TSPAN12: variants seen among roughly 807,000 people sequenced by gnomAD.
TSPAN12 encodes tetraspanin-12.
TSPAN12 carries 19 observed loss-of-function variants against 39.2 expected under a neutral mutation model. That is an observed-to-expected ratio of 0.49 (90% CI 0.34 to 0.71). TSPAN12 has a LOEUF of 0.71. Among genes scored for constraint, TSPAN12 ranks in the 30% least tolerant of loss-of-function variants. The pLI is 0.01. For synonymous variants in TSPAN12, 119 were observed against 124.8 expected, an observed-to-expected ratio of 0.95 and a Z score of 0.31; for missense variants, 314 against 359.9, an observed-to-expected ratio of 0.87 and a Z score of 1.03.
intron 7 of TSPAN12, among the ~76,000 whole-genome samples, chr7:120,795,196 C>T (rs988108299): frequency 2.0e-5 from 3 of 152,218 alleles, no homozygotes; most frequent in African/African-American, 4.8e-5. Flanking sequence ...CAAAATAAAA[C>T]ACTGAATTAA....
intron 7 of TSPAN12, among the ~76,000 whole-genome samples, chr7:120,799,791 A>C (rs1161843035): frequency 7.4e-6 from 1 of 135,530 alleles, no homozygotes; most frequent in Non-Finnish European, 1.5e-5. Context: ...ATATATAATA[A>C]ATATATTAAA....
chr7:120,854,070 T>C (rs1010774365), intron 2 of TSPAN12, among the ~76,000 whole-genome samples: 1 of 152,080 alleles, frequency 6.6e-6, no homozygotes, highest in Non-Finnish European at 1.5e-5. Flanking sequence ...AAAATGATGC[T>C]CCTGCTCACT....
In TSPAN12 at chr7:120,810,470, TG is replaced by T. The variant is rs1793956441; in HGVS notation, c.460del (p.Gln154ArgfsTer9). 1.2e-6 allele frequency: 2 copies of T among 1,608,760 alleles called. No homozygotes were observed. The highest frequency in any genetic ancestry group is 1.7e-6 in the Non-Finnish European group (2 of 1,175,314). ...AGAAATTGTAGCACTTACCTCTCTC[TG>T]AAAAAAATTCCAAGCATGAGTAAGC... is the stretch of plus-strand genomic sequence containing the variant. ...RWLTHAWNFF[Q>X]REFKCCGVVY... On this transcript the variant is annotated frameshift_variant, in exon 6 of 8. Coordinates refer to ENST00000222747, the MANE Select transcript of TSPAN12 (RefSeq NM_012338.4). LOFTEE classifies it high-confidence loss of function.
chr7:120,808,607 T>C (rs1014637126), intron 6 of TSPAN12, among the ~76,000 whole-genome samples: 6 of 152,168 alleles, frequency 3.9e-5, no homozygotes, highest in Non-Finnish European at 8.8e-5. Flanking sequence ...CCAAAGCCTA[T>C]GCTCCAACTA....
At chr7:120,828,149 C>A (rs900352164) in intron 4 of TSPAN12, among the ~76,000 whole-genome samples, 1 of 152,188 alleles carries the variant, frequency 6.6e-6, no homozygotes, top group African/African-American at 2.4e-5. Flanking sequence ...GTCCTCCATT[C>A]TCTCTTCTAT....
chr7:120,850,651 A>G (rs556072076), intron 2 of TSPAN12, among the ~76,000 whole-genome samples: 2 of 152,162 alleles, frequency 1.3e-5, no homozygotes, highest in East Asian at 3.9e-4. Flanking sequence ...GCCACAATGT[A>G]TATATAAAAA....
At chr7:120,799,829 A>G (rs985131712) in intron 7 of TSPAN12, among the ~76,000 whole-genome samples, 4 of 138,262 alleles carry the variant, frequency 2.9e-5, no homozygotes, top group Admixed American at 7.8e-5. Context: ...TTAATATATT[A>G]ATTATATTAA....
intron 7 of TSPAN12, among the ~76,000 whole-genome samples, chr7:120,799,376 C>T (rs1793694856): frequency 1.4e-5 from 2 of 144,936 alleles, no homozygotes; most frequent in Non-Finnish European, 1.5e-5. Context: ...GATGAGGAAA[C>T]ATTTATTTTT....
chr7:120,821,409 G>A (rs1228674755), intron 4 of TSPAN12, among the ~76,000 whole-genome samples: 4 of 149,332 alleles, frequency 2.7e-5, no homozygotes, highest in East Asian at 1.9e-4. Flanking sequence ...AACAATGTAC[G>A]TGAAATTGTC....
At chr7:120,857,551 G>A (rs1310189724) in intron 1 of TSPAN12, among the ~76,000 whole-genome samples, 1 of 152,052 alleles carries the variant, frequency 6.6e-6, no homozygotes, top group East Asian at 1.9e-4. Context: ...CAGCTGTGCA[G>A]ACGCCGGGTT....
intron 3 of TSPAN12, among the ~76,000 whole-genome samples, chr7:120,839,638 GA>G (rs545910689): frequency 2.7e-5 from 4 of 150,936 alleles, no homozygotes; most frequent in South Asian, 2.1e-4. Context: ...TGAAATTTGA[GA>G]AAAAAAAATC....
At chr7:120,805,229 G>T (rs1181134286) in intron 7 of TSPAN12, among the ~76,000 whole-genome samples, 2 of 151,994 alleles carry the variant, frequency 1.3e-5, no homozygotes, top group African/African-American at 4.8e-5. Flanking sequence ...ACAGCCCAGA[G>T]TTACTCATAT....
intron 5 of TSPAN12, among the ~76,000 whole-genome samples, chr7:120,815,353 C>A (rs919896420): frequency 6.6e-6 from 1 of 152,098 alleles, no homozygotes; most frequent in African/African-American, 2.4e-5. Context: ...GAGTCGTAAT[C>A]CCCCTATCCC....
At chr7:120,853,491 T>TAC (rs988786833) in intron 2 of TSPAN12, among the ~76,000 whole-genome samples, 17 of 143,068 alleles carry the variant, frequency 1.2e-4, no homozygotes, top group African/African-American at 4.1e-4. Flanking sequence ...TATATATATA[T>TAC]ATACACACAC....
At chr7:120,840,860 C>T (rs1794564259) in intron 2 of TSPAN12, among the ~76,000 whole-genome samples, 3 of 152,170 alleles carry the variant, frequency 2.0e-5, no homozygotes, top group African/African-American at 7.2e-5. Context: ...ATTTAACAAC[C>T]TTTTCTCAAA....
chr7:120,788,111 T>A lies in TSPAN12; in HGVS notation c.*481A>T, dbSNP rs1793443758. The A allele has an allele frequency of 5.9e-6, 1 of 168,770 alleles. No homozygotes were observed. Among genetic ancestry groups the A allele is most frequent in the Admixed American group, 5.7e-5 (1 of 17,482 alleles). 10.5% of individuals were successfully genotyped at this position (168,770 alleles called of 1,614,324 possible). A position where few individuals can be genotyped will look rare whatever the true frequency, so the allele number is the denominator to read the frequency against. ...TTAGGTAGTCACCAATATTGAAAGT[T>A]TTCTGATATATAATTTATTTAGCAT... is the stretch of plus-strand genomic sequence containing the variant. On this transcript the variant is annotated 3_prime_UTR_variant, in exon 8 of 8. Transcript: ENST00000222747.
chr7:120,807,222 T>C (rs1793891593), intron 6 of TSPAN12, among the ~76,000 whole-genome samples: 7 of 152,224 alleles, frequency 4.6e-5, no homozygotes, highest in Admixed American at 3.9e-4. Context: ...GAAATAAACA[T>C]AGGTCTGGCC....
At chr7:120,801,600 A>T (rs1161740412) in intron 7 of TSPAN12, among the ~76,000 whole-genome samples, 1 of 152,212 alleles carries the variant, frequency 6.6e-6, no homozygotes, top group Non-Finnish European at 1.5e-5. Flanking sequence ...TAGACAAAGA[A>T]ATGTGTCTCT....
At chr7:120,821,443 G>C (rs1010514108) in intron 4 of TSPAN12, among the ~76,000 whole-genome samples, 1 of 146,742 alleles carries the variant, frequency 6.8e-6, no homozygotes. Flanking sequence ...AAAAAAAAAA[G>C]CTGTAAAAAT....
Sources: gnomAD v4.1 joint callset for allele counts (sites outside exome capture counted in the v4.1 genomes callset) on GRCh38, gnomAD v4.1.1 for gene constraint, MANE v1.5 for transcripts, NCBI Gene and HGNC (gene_info 2026-07-23, HGNC 2026-07-21) for gene names.